The following RSRC1 variants were observed in gnomAD, a reference collection of about 807,000 sequenced individuals.
RSRC1 encodes arginine and serine rich coiled-coil 1.
In RSRC1, 39 loss-of-function variants were observed where a neutral mutation model predicts 49.1. The ratio of observed to expected loss-of-function variants is 0.79; its 90% CI spans 0.61 to 1.04. RSRC1 has a LOEUF of 1.04. RSRC1 is among the 50% of genes least tolerant of loss of function. The pLI is 0.00. For missense variants in RSRC1, 388 were observed against 402.4 expected, an observed-to-expected ratio of 0.96 and a Z score of 0.31; for synonymous variants, 143 against 130.8, an observed-to-expected ratio of 1.09 and a Z score of -0.63.
In RSRC1 at chr3:158,277,125, C is replaced by T. The variant is rs1578275540; in HGVS notation, c.495-20914C>T. Among the ~76,000 whole-genome samples the T allele has an allele frequency of 3.9e-5, 6 of 152,130 alleles. 1 individual carries two copies. In the South Asian group the frequency reaches 1.2e-3, roughly 32 times the overall value. ...ATGTCCACAGTTTTTGGACAAAATT[C>T]AAAGTATAATAATAATTATTGAGCA... On this transcript the variant is annotated intron_variant, in intron 4 of 9. Coordinates refer to ENST00000611884, the MANE Select transcript of RSRC1 (RefSeq NM_001271838.2).
intron 5 of RSRC1, among the ~76,000 whole-genome samples, chr3:158,327,206 T>G (rs923201407): frequency 5.9e-5 from 9 of 151,844 alleles, no homozygotes; most frequent in African/African-American, 2.2e-4. Context: ...ATTGATTTTT[T>G]GAAGGGTTTT....
chr3:158,227,696 G>T (rs965608786), intron 4 of RSRC1, among the ~76,000 whole-genome samples: 14 of 152,026 alleles, frequency 9.2e-5, no homozygotes, highest in African/African-American at 3.1e-4. Flanking sequence ...GGAGAGAAAT[G>T]TGAATTAATT....
rs544544165 is a variant in RSRC1 at position 158,409,415 on chromosome 3, CA to C, written c.584-51519del. Among the ~76,000 whole-genome samples, 3 of 152,244 alleles carry C rather than the reference CA, an allele frequency of 2.0e-5. No homozygotes were observed. The South Asian group carries it at 6.2e-4, about 32-fold the overall frequency. On this transcript the variant is annotated intron_variant, in intron 6 of 9. Transcript: ENST00000611884. The stretch of plus-strand genomic sequence containing the variant: ...AGAGGAGCAGTTGAACAGAGAGGGA[CA>C]TAATGTTTTGTTATATTTGTTGTTT...
chr3:158,424,474 G>A lies in RSRC1; in HGVS notation c.584-36461G>A, dbSNP rs1366919714. ...AGCTTTTTGATGTGCTGCTGGATTC[G>A]GTTTGCCAGTATTTTATTGAGGATT... is the stretch of plus-strand genomic sequence containing the variant. On this transcript the variant is annotated intron_variant, in intron 6 of 9. Transcript: ENST00000611884. Among the ~76,000 whole-genome samples the A allele has an allele frequency of 2.1e-3, 316 of 150,184 alleles. 3 individuals are homozygous for A. Among genetic ancestry groups the A allele is most frequent in the Admixed American group, 0.019 (281 of 15,050 alleles).
At chr3:158,182,218 A>T (rs1719661373) in intron 3 of RSRC1, among the ~76,000 whole-genome samples, 1 of 152,186 alleles carries the variant, frequency 6.6e-6, no homozygotes, top group Non-Finnish European at 1.5e-5. Flanking sequence ...GATGATAGGA[A>T]GAGCCCATGC....
chr3:158,145,805 C>T (rs890923494), intron 3 of RSRC1, among the ~76,000 whole-genome samples: 19 of 152,146 alleles, frequency 1.2e-4, no homozygotes, highest in South Asian at 2.1e-4. Flanking sequence ...TCTTTTATTT[C>T]GTTGAGCAGT....
chr3:158,233,398 G>A (rs1056575726), intron 4 of RSRC1, among the ~76,000 whole-genome samples: 5 of 152,080 alleles, frequency 3.3e-5, no homozygotes, highest in African/African-American at 1.2e-4. Context: ...GGTCTGAAGT[G>A]ATGATCAAAA....
chr3:158,293,674 T>TTA (rs1306413189), intron 4 of RSRC1, among the ~76,000 whole-genome samples: 1 of 152,110 alleles, frequency 6.6e-6, no homozygotes, highest in Non-Finnish European at 1.5e-5. Context: ...CTTACCTGCA[T>TTA]TATATTCTTC....
At chr3:158,469,798 T>C (rs1264081139) in intron 7 of RSRC1, 1 of 152,136 alleles carries the variant, frequency 6.6e-6, no homozygotes, top group Non-Finnish European at 1.5e-5. Context: ...CTATTCTGCC[T>C]TAATTACAGG....
intron 7 of RSRC1, among the ~76,000 whole-genome samples, chr3:158,468,218 C>T (rs1006970414): frequency 6.6e-6 from 1 of 152,220 alleles, no homozygotes; most frequent in African/African-American, 2.4e-5. Flanking sequence ...CAGGCGTGAG[C>T]CACCGCGCCC....
intron 5 of RSRC1, among the ~76,000 whole-genome samples, chr3:158,307,584 GAAT>G (rs1727907304): frequency 6.6e-6 from 1 of 151,638 alleles, no homozygotes; most frequent in Non-Finnish European, 1.5e-5. Context: ...TTTATACCAA[GAAT>G]AATATTATGA....
At chr3:158,508,823 A>G (rs1159271342) in intron 7 of RSRC1, among the ~76,000 whole-genome samples, 1 of 152,064 alleles carries the variant, frequency 6.6e-6, no homozygotes, top group Admixed American at 6.6e-5. Flanking sequence ...CACAAGAAGG[A>G]TGTACAATAA....
intron 7 of RSRC1, among the ~76,000 whole-genome samples, chr3:158,527,252 C>G (rs1712097401): frequency 6.6e-6 from 1 of 151,682 alleles, no homozygotes; most frequent in Non-Finnish European, 1.5e-5. Flanking sequence ...AGTTTTAGTT[C>G]ATTAATCTTA....
chr3:158,479,303 G>A (rs1483433477), intron 7 of RSRC1, among the ~76,000 whole-genome samples: 1 of 150,144 alleles, frequency 6.7e-6, no homozygotes, highest in Non-Finnish European at 1.5e-5. Context: ...ATAATATATG[G>A]ATATATGGAT....
chr3:158,514,911 T>A (rs1360000107), intron 7 of RSRC1, among the ~76,000 whole-genome samples: 9 of 152,130 alleles, frequency 5.9e-5, no homozygotes, highest in Non-Finnish European at 8.8e-5. Context: ...TGGTTTAAAG[T>A]CTGTTTTATC....
intron 7 of RSRC1, among the ~76,000 whole-genome samples, chr3:158,519,050 T>G (rs1050818978): frequency 6.6e-6 from 1 of 152,188 alleles, no homozygotes; most frequent in African/African-American, 2.4e-5. Flanking sequence ...CTCAAAGTTA[T>G]CATCTTCAAA....
intron 4 of RSRC1, among the ~76,000 whole-genome samples, chr3:158,271,440 A>G (rs1725513230): frequency 6.6e-6 from 1 of 152,140 alleles, no homozygotes; most frequent in Non-Finnish European, 1.5e-5. Flanking sequence ...GGCCTGCATG[A>G]GCAGTCAGAG....
chr3:158,523,608 A>G (rs1560075477), intron 7 of RSRC1, among the ~76,000 whole-genome samples: 1 of 152,096 alleles, frequency 6.6e-6, no homozygotes, highest in Non-Finnish European at 1.5e-5. Flanking sequence ...AACTATGTTA[A>G]TGAAGTCTTT....
chr3:158,294,524 C>G (rs1395472237), intron 4 of RSRC1, among the ~76,000 whole-genome samples: 1 of 151,748 alleles, frequency 6.6e-6, no homozygotes, highest in East Asian at 1.9e-4. Flanking sequence ...CTTGTGGGTT[C>G]ATCTTTTTTT....
Sources: gnomAD v4.1 joint callset for allele counts (sites outside exome capture counted in the v4.1 genomes callset) on GRCh38, gnomAD v4.1.1 for gene constraint, MANE v1.5 for transcripts, NCBI Gene and HGNC (gene_info 2026-07-23, HGNC 2026-07-21) for gene names.